NUMB: variants seen among roughly 807,000 people sequenced by gnomAD.
The protein encoded by NUMB is NUMB endocytic adaptor protein.
In NUMB, 29 loss-of-function variants were observed where a neutral mutation model predicts 59.7. That is an observed-to-expected ratio of 0.49 (90% CI 0.36 to 0.66). The LOEUF (loss-of-function observed/expected upper bound fraction) is 0.66. Among genes scored for constraint, NUMB ranks in the 30% least tolerant of loss-of-function variants. The pLI is 0.00. For synonymous variants in NUMB, 288 were observed against 288.2 expected, an observed-to-expected ratio of 1.00 and a Z score of 0.01; for missense variants, 723 against 822.0, an observed-to-expected ratio of 0.88 and a Z score of 1.47.
chr14:73,435,930 G>A (rs934839157), intron 1 of NUMB, among the ~76,000 whole-genome samples: 1 of 151,022 alleles, frequency 6.6e-6, no homozygotes, highest in Non-Finnish European at 1.5e-5. Flanking sequence ...TGCTTGAATT[G>A]AAAAGGTGGA....
At chr14:73,448,033 G>C (rs1427721111) in intron 1 of NUMB, among the ~76,000 whole-genome samples, 2 of 152,128 alleles carry the variant, frequency 1.3e-5, no homozygotes, top group Non-Finnish European at 2.9e-5. Flanking sequence ...CTGAGCTCAA[G>C]TGATTCGCCT....
At position 73,455,368 on chromosome 14, in the gene NUMB, C is replaced by T. The variant is rs1397149556; in HGVS notation, c.-233+3125G>A. On this transcript the variant is annotated intron_variant, in intron 1 of 12. Transcript: ENST00000555238. ...CAACTCCTAAATATAAACCATCTAG[C>T]TTTCAATGGAAGAAAAATCAAACCA... Among the ~76,000 whole-genome samples, 2 of 152,176 alleles carry T rather than the reference C, an allele frequency of 1.3e-5. 1 individual carries two copies. The highest frequency in any genetic ancestry group is 4.8e-5 in the African/African-American group (2 of 41,444).
chr14:73,455,342 T>C (rs2140217310), intron 1 of NUMB, among the ~76,000 whole-genome samples: 1 of 152,260 alleles, frequency 6.6e-6, no homozygotes, highest in East Asian at 1.9e-4. Context: ...CAGATCTAAA[T>C]CAACTCCTAA....
Position 73,355,792 on chromosome 14 carries a change from T to A in NUMB, c.-15-26A>T, listed in dbSNP as rs778190153. On this transcript the variant is annotated intron_variant, in intron 3 of 12. Coordinates refer to ENST00000555238, the MANE Select transcript of NUMB (RefSeq NM_001005743.2). Reference sequence around the variant, plus strand: ...CTGAAGACAGAGGAAAAAAAATATTTAAAAGAAATATTACCTTCTTACATA... The same window carrying A: ...CTGAAGACAGAGGAAAAAAAATATTAAAAAGAAATATTACCTTCTTACATA... 5 of 1,541,704 alleles carry A rather than the reference T, an allele frequency of 3.2e-6. No homozygotes were observed. The South Asian group carries it at 3.5e-5, about 11-fold the overall frequency.
chr14:73,284,420 A>T (rs1566725502), intron 9 of NUMB, 46 bp from the exon 10 acceptor site: 1 of 1,537,490 alleles, frequency 6.5e-7, no homozygotes. Flanking sequence ...GTCTTCAAAT[A>T]ATTTGCGTTT....
chr14:73,451,509 G>A (rs968560653), intron 1 of NUMB, among the ~76,000 whole-genome samples: 4 of 151,382 alleles, frequency 2.6e-5, no homozygotes, highest in Non-Finnish European at 5.9e-5. Flanking sequence ...CAGCTACTCG[G>A]TAGCCTGACG....
chr14:73,435,464 C>T (rs1392851524), intron 1 of NUMB, among the ~76,000 whole-genome samples: 3 of 151,224 alleles, frequency 2.0e-5, no homozygotes, highest in Non-Finnish European at 2.9e-5. Context: ...TGAGTACAGA[C>T]GGGGTTTAAC....
rs1895261776 is a variant in NUMB, at chr14:73,381,886, C to T, written c.-100-14905G>A. Among the ~76,000 whole-genome samples the T allele has an allele frequency of 3.3e-5, 5 of 150,636 alleles. No individual in the cohort carries two copies. The South Asian group carries it at 1.1e-3, about 32-fold the overall frequency. On this transcript the variant is annotated intron_variant, in intron 2 of 12. Transcript: ENST00000555238. ...AGTAAGAGAAGACAGGCCAAAATAC[C>T]AGAGAAAAATAAAATGCAGAGTTAA...
intron 2 of NUMB, among the ~76,000 whole-genome samples, chr14:73,397,402 G>A (rs76734053): frequency 0.01 from 1,556 of 152,240 alleles, 25 homozygotes; most frequent in African/African-American, 0.035. Flanking sequence ...GGAATTCAGC[G>A]GGGAGAAAGA....
intron 8 of NUMB, among the ~76,000 whole-genome samples, chr14:73,290,239 G>A (rs919060605): frequency 1.3e-5 from 2 of 152,166 alleles, no homozygotes; most frequent in Non-Finnish European, 2.9e-5. Flanking sequence ...GAAGACAAAA[G>A]CACAGTTTTG....
Position 73,387,956 on chromosome 14 carries a change from CAAAAAAAAA to C in NUMB, c.-100-20984_-100-20976del, listed in dbSNP as rs66701940. ...CAACAAAGCAAGACTCTGTCTCTACCAAAAAAAAAAAAAAAAAAAAAATTAGCTGGTATG... is the reference window on the plus strand; with the variant it reads ...CAACAAAGCAAGACTCTGTCTCTACCAAAAAAAAAAAAATTAGCTGGTATG... On this transcript the variant is annotated intron_variant, in intron 2 of 12. Coordinates refer to ENST00000555238, the MANE Select transcript of NUMB (RefSeq NM_001005743.2). 8.5e-5 allele frequency among the ~76,000 whole-genome samples: 8 copies of C among 94,388 alleles called. No homozygotes were observed. The South Asian group carries it at 2.0e-3, about 24-fold the overall frequency. The allele number at this position is 94,388 out of a possible 152,430, so 61.9% of individuals were successfully genotyped here.
At chr14:73,280,000 T>G (rs1888500482) in intron 11 of NUMB, among the ~76,000 whole-genome samples, 2 of 152,082 alleles carry the variant, frequency 1.3e-5, no homozygotes, top group Non-Finnish European at 1.5e-5. Context: ...CTACTAAAAA[T>G]ACAAAAATTA....
At chr14:73,402,768 C>G (rs2140119835) in intron 2 of NUMB, among the ~76,000 whole-genome samples, 1 of 152,306 alleles carries the variant, frequency 6.6e-6, no homozygotes. Flanking sequence ...TCTCAAGATT[C>G]AAGCCAAGTT....
chr14:73,277,094 T>G lies in NUMB; in HGVS notation c.1440A>C (p.Ser480=). 1 of 1,613,902 alleles carries G rather than the reference T, an allele frequency of 6.2e-7. No homozygotes were observed. The highest frequency in any genetic ancestry group is 8.5e-7 in the Non-Finnish European group (1 of 1,179,978). ...PPPTAISQPA[S]PFQGNAFLTS... is the part of the protein sequence containing the mutation. The stretch of plus-strand genomic sequence containing the variant: ...TGAGGAATGCATTCCCTTGGAAAGG[T>G]GATGCTGGCTGGGAGATGGCAGTGG... The change falls in exon 13 of 13, where the codon TCA becomes TCC. Residue 480 remains serine (S), a synonymous_variant. Coordinates refer to ENST00000555238, the MANE Select transcript of NUMB (RefSeq NM_001005743.2).
At chr14:73,321,007 A>G (rs1432555693) in intron 5 of NUMB, among the ~76,000 whole-genome samples, 1 of 152,126 alleles carries the variant, frequency 6.6e-6, no homozygotes, top group Non-Finnish European at 1.5e-5. Flanking sequence ...TTTGTATTTT[A>G]TACAATAAAC....
intron 8 of NUMB, among the ~76,000 whole-genome samples, chr14:73,291,094 T>C (rs1415191616): frequency 2.6e-5 from 4 of 152,026 alleles, no homozygotes; most frequent in Admixed American, 2.6e-4. Context: ...TTGTTTTTTT[T>C]TTTTGAGATG....
At chr14:73,413,048 C>A (rs1896964289) in intron 1 of NUMB, among the ~76,000 whole-genome samples, 1 of 151,676 alleles carries the variant, frequency 6.6e-6, no homozygotes, top group South Asian at 2.1e-4. Context: ...GACTCCAGAG[C>A]CTATTTTTTA....
At chr14:73,283,420 A>AATAGAG (rs11282561) in intron 10 of NUMB, among the ~76,000 whole-genome samples, 38,086 of 151,846 alleles carry the variant, frequency 0.25, 5,537 homozygotes, top group East Asian at 0.67. Flanking sequence ...AGGGAAGTAA[A>AATAGAG]ATAGAGCCCA....
At chr14:73,303,363 T>C (rs763159954) in intron 6 of NUMB, among the ~76,000 whole-genome samples, 5 of 152,156 alleles carry the variant, frequency 3.3e-5, no homozygotes, top group Non-Finnish European at 5.9e-5. Flanking sequence ...GTGGATCACC[T>C]GAGGTCAGGA....
Sources: gnomAD v4.1 joint callset for allele counts (sites outside exome capture counted in the v4.1 genomes callset) on GRCh38, gnomAD v4.1.1 for gene constraint, MANE v1.5 for transcripts, NCBI Gene and HGNC (gene_info 2026-07-23, HGNC 2026-07-21) for gene names.